KHDRBS3: variants seen among roughly 807,000 people sequenced by gnomAD.
The protein encoded by KHDRBS3 is KH RNA binding domain containing, signal transduction associated 3, also known as KH domain-containing, RNA-binding, signal transduction-associated protein 3.
KHDRBS3 carries 23 observed loss-of-function variants against 45.6 expected under a neutral mutation model. That is an observed-to-expected ratio of 0.50 (90% CI 0.36 to 0.72). KHDRBS3 has a LOEUF of 0.72. Ranked by LOEUF, KHDRBS3 falls within the 30% of genes least tolerant of loss-of-function variation. The pLI, the probability that KHDRBS3 is intolerant of heterozygous loss-of-function variation, is 0.00. For missense variants in KHDRBS3, 352 were observed against 424.8 expected (o/e 0.83, Z 1.51); for synonymous variants, 162 against 156.5 (o/e 1.04, Z -0.26).
intron 5 of KHDRBS3, among the ~76,000 whole-genome samples, chr8:135,564,438 A>C (rs940096871): frequency 6.6e-6 from 1 of 152,216 alleles, no homozygotes; most frequent in Non-Finnish European, 1.5e-5. Context: ...TTTTTCAAAC[A>C]GCTGCAATGT....
intron 2 of KHDRBS3, among the ~76,000 whole-genome samples, chr8:135,522,078 T>C (rs1329700580): frequency 6.6e-6 from 1 of 152,050 alleles, no homozygotes. Flanking sequence ...ATGCATTAGC[T>C]ATTTATCCTG....
At chr8:135,494,122 CTT>C (rs576889448) in intron 1 of KHDRBS3, among the ~76,000 whole-genome samples, 143 of 151,806 alleles carry the variant, frequency 9.4e-4, no homozygotes, top group African/African-American at 3.3e-3. Context: ...ATTCTTTACT[CTT>C]TTTTTTCTTA....
At chr8:135,551,646 T>G (rs1356385664) in intron 4 of KHDRBS3, among the ~76,000 whole-genome samples, 1 of 152,168 alleles carries the variant, frequency 6.6e-6, no homozygotes, top group Non-Finnish European at 1.5e-5. Context: ...TTGCTAGATA[T>G]GGTTTACTAA....
At chr8:135,458,200 A>C in intron 1 of KHDRBS3, 1 of 1,276,566 alleles carries the variant, frequency 7.8e-7, no homozygotes, top group Non-Finnish European at 9.9e-7. Flanking sequence ...CTTGAAGGAA[A>C]TCTTTGGGGA....
chr8:135,624,865 C>T (rs1479727290), intron 7 of KHDRBS3, among the ~76,000 whole-genome samples: 2 of 152,130 alleles, frequency 1.3e-5, no homozygotes, highest in Admixed American at 6.5e-5. Flanking sequence ...CCACTGAGGT[C>T]GCCACGTCAG....
rs532615839 is a variant in KHDRBS3 at position 135,544,848 on chromosome 8, G to C, written c.324+2078G>C. Among the ~76,000 whole-genome samples, 6 of 152,198 alleles carry C rather than the reference G, an allele frequency of 3.9e-5. No homozygotes were observed. The South Asian group carries it at 1.2e-3, about 32-fold the overall frequency. ...TCAAGGCACTCAGGAACCAGGGAGG[G>C]GAGTAGCATACATTGTGGATTTACA... On this transcript the variant is annotated intron_variant, in intron 3 of 8. Transcript: ENST00000355849.
At chr8:135,608,161 T>C (rs1049301879) in intron 7 of KHDRBS3, among the ~76,000 whole-genome samples, 5 of 152,160 alleles carry the variant, frequency 3.3e-5, no homozygotes, top group African/African-American at 1.2e-4. Context: ...ATTGTTTTCA[T>C]TGTATACATG....
intron 7 of KHDRBS3, among the ~76,000 whole-genome samples, chr8:135,637,457 CT>C (rs1220981800): frequency 6.6e-6 from 1 of 152,158 alleles, no homozygotes; most frequent in Non-Finnish European, 1.5e-5. Flanking sequence ...TAGGTGTTAG[CT>C]GAAGTCTTAA....
At chr8:135,607,133 G>GCAAGC in intron 7 of KHDRBS3, 96 bp downstream of exon 7, 1 of 896,496 alleles carries the variant, frequency 1.1e-6, no homozygotes, top group Non-Finnish European at 1.7e-6. Context: ...GCTAGAGAGG[G>GCAAGC]TAATTGGCTT....
intron 1 of KHDRBS3, among the ~76,000 whole-genome samples, chr8:135,510,328 T>A (rs1824214919): frequency 6.6e-6 from 1 of 152,194 alleles, no homozygotes; most frequent in African/African-American, 2.4e-5. Flanking sequence ...AGAGCTCAAG[T>A]GGTTCAGCGA....
At chr8:135,625,995 C>A (rs1830341981) in intron 7 of KHDRBS3, 2 of 722,926 alleles carry the variant, frequency 2.8e-6, no homozygotes, top group Non-Finnish European at 5.2e-6. Context: ...CGGCTCTTGG[C>A]GGAACCGTGT....
chr8:135,533,251 T>C (rs1443578068), intron 2 of KHDRBS3, among the ~76,000 whole-genome samples: 1 of 152,184 alleles, frequency 6.6e-6, no homozygotes, highest in Non-Finnish European at 1.5e-5. Context: ...TGTAGATAAA[T>C]ACAATTTAAA....
intron 1 of KHDRBS3, among the ~76,000 whole-genome samples, chr8:135,502,710 G>A (rs1158273945): frequency 1.3e-5 from 2 of 152,122 alleles, no homozygotes; most frequent in Non-Finnish European, 2.9e-5. Context: ...AACCCGTCGA[G>A]CTGCTGCTTA....
chr8:135,647,609 A>G lies in KHDRBS3; in HGVS notation c.*525A>G, dbSNP rs1318658195. ...TGATACTAAATAAACTTTTGAAAGA[A>G]ATTTTGTGTGTGTGAGCTAACAATT... is the stretch of plus-strand genomic sequence containing the variant. On this transcript the variant is annotated 3_prime_UTR_variant, in exon 9 of 9. Coordinates refer to ENST00000355849, the MANE Select transcript of KHDRBS3 (RefSeq NM_006558.3). The G allele has an allele frequency of 3.3e-5, 5 of 152,620 alleles. No homozygotes were observed. Among genetic ancestry groups the G allele is most frequent in the Admixed American group, 6.5e-5 (1 of 15,278 alleles). The allele number at this position is 152,620 out of a possible 1,614,324, so 9.5% of individuals were successfully genotyped here. A position where few individuals can be genotyped will look rare whatever the true frequency, so the allele number is the denominator to read the frequency against.
intron 5 of KHDRBS3, among the ~76,000 whole-genome samples, chr8:135,574,153 G>A (rs566179661): frequency 2.0e-5 from 2 of 100,718 alleles, no homozygotes; most frequent in African/African-American, 3.6e-5. Flanking sequence ...GTGTTAGCAC[G>A]TCACCTCCAT....
At chr8:135,570,108 G>A (rs940809857) in intron 5 of KHDRBS3, among the ~76,000 whole-genome samples, 2 of 152,034 alleles carry the variant, frequency 1.3e-5, no homozygotes, top group African/African-American at 2.4e-5. Context: ...AAGGCAGAAT[G>A]CACTTATTTT....
At chr8:135,496,884 G>A (rs1375108268) in intron 1 of KHDRBS3, among the ~76,000 whole-genome samples, 1 of 152,212 alleles carries the variant, frequency 6.6e-6, no homozygotes, top group Non-Finnish European at 1.5e-5. Context: ...CTTGCCCATA[G>A]CCTTATCATG....
In KHDRBS3 at chr8:135,616,329, GA is replaced by G. The variant is rs1473699215; in HGVS notation, c.890+9299del. ...TAACTCAAAAGCAACTAGTAAGGGG[GA>G]AAAAAATTAGGTTCCTATAAATGTA... On this transcript the variant is annotated intron_variant, in intron 7 of 8. Transcript: ENST00000355849. 7.9e-5 allele frequency among the ~76,000 whole-genome samples: 12 copies of G among 152,202 alleles called. No homozygotes were observed. The East Asian group carries it at 1.4e-3, about 17-fold the overall frequency.
intron 1 of KHDRBS3, among the ~76,000 whole-genome samples, chr8:135,461,095 G>A (rs1241433900): frequency 1.3e-5 from 2 of 151,904 alleles, no homozygotes; most frequent in Non-Finnish European, 2.9e-5. Context: ...TTTGTTTCCC[G>A]AATATTTATT....
Sources: allele counts gnomAD v4.1 joint callset (sites outside exome capture counted in the v4.1 genomes callset), GRCh38; gene constraint gnomAD v4.1.1; transcripts MANE v1.5; gene names NCBI Gene and HGNC (gene_info 2026-07-23, HGNC 2026-07-21).